Variants in PIP4K2A observed in about 807,000 individuals in gnomAD.
PIP4K2A encodes the protein phosphatidylinositol-5-phosphate 4-kinase type 2 alpha, also known as phosphatidylinositol 5-phosphate 4-kinase type-2 alpha.
PIP4K2A carries 14 observed loss-of-function variants against 42.9 expected under a neutral mutation model. The ratio of observed to expected loss-of-function variants is 0.33; its 90% confidence interval spans 0.22 to 0.51. The LOEUF (loss-of-function observed/expected upper bound fraction) is 0.51. PIP4K2A is among the 20% of genes least tolerant of loss of function. The pLI, the probability that PIP4K2A is intolerant of heterozygous loss-of-function variation, is 0.97. For synonymous variants in PIP4K2A, 192 were observed against 192.2 expected, an observed-to-expected ratio of 1.00 and a Z score of 0.01; for missense variants, 434 against 519.8, an observed-to-expected ratio of 0.83 and a Z score of 1.61.
chr10:22,666,308 C>A (rs1264631545), intron 1 of PIP4K2A, among the ~76,000 whole-genome samples: 1 of 152,164 alleles, frequency 6.6e-6, no homozygotes, highest in African/African-American at 2.4e-5. Flanking sequence ...GTATAACTTA[C>A]TGATTATCAA....
At chr10:22,656,841 G>C (rs1051260180) in intron 1 of PIP4K2A, among the ~76,000 whole-genome samples, 1 of 151,096 alleles carries the variant, frequency 6.6e-6, no homozygotes, top group South Asian at 2.1e-4. Flanking sequence ...GCCAGGCCAT[G>C]GTAAACTATA....
intron 1 of PIP4K2A, among the ~76,000 whole-genome samples, chr10:22,670,184 G>A (rs1839423148): frequency 6.6e-6 from 1 of 152,186 alleles, no homozygotes. Flanking sequence ...TTTAAGACTA[G>A]CCTGGGCAAC....
chr10:22,569,778 C>A (rs545001295), intron 5 of PIP4K2A, among the ~76,000 whole-genome samples: 5 of 151,818 alleles, frequency 3.3e-5, no homozygotes, highest in Admixed American at 2.0e-4. Context: ...AGCTTGGGAA[C>A]AACAAAACAC....
chr10:22,658,995 C>T (rs1241976291), intron 1 of PIP4K2A, among the ~76,000 whole-genome samples: 1 of 152,120 alleles, frequency 6.6e-6, no homozygotes, highest in Non-Finnish European at 1.5e-5. Context: ...CTCAAGGCTG[C>T]GGAATGTACC....
At chr10:22,677,232 C>T (rs953400143) in intron 1 of PIP4K2A, among the ~76,000 whole-genome samples, 43 of 152,050 alleles carry the variant, frequency 2.8e-4, no homozygotes, top group African/African-American at 8.9e-4. Flanking sequence ...GGGTGCACTC[C>T]GGGCACCGAT....
At chr10:22,580,761 C>G (rs1837255380) in intron 4 of PIP4K2A, among the ~76,000 whole-genome samples, 1 of 152,186 alleles carries the variant, frequency 6.6e-6, no homozygotes, top group African/African-American at 2.4e-5. Context: ...AGGAAAGGTG[C>G]ATTTCTTTCA....
In PIP4K2A at chr10:22,534,941, A is replaced by G. The variant is rs913889541; in HGVS notation, c.*2260T>C. On this transcript the variant is annotated 3_prime_UTR_variant, in exon 10 of 10. Transcript: ENST00000376573. ...AATGTGTTTGGAACAGAGACACACA[A>G]TTGGGACAGAGGAAAAAAGGATTCA... The G allele has an allele frequency of 6.6e-6, 1 of 152,224 alleles. No individual in the cohort carries two copies. The highest frequency in any genetic ancestry group is 2.4e-5 in the African/African-American group (1 of 41,452). The allele number at this position is 152,224 out of a possible 1,614,324, so 9.4% of individuals were successfully genotyped here.
chr10:22,551,986 G>A (rs909475108), intron 6 of PIP4K2A, among the ~76,000 whole-genome samples: 1 of 152,156 alleles, frequency 6.6e-6, no homozygotes, highest in East Asian at 1.9e-4. Flanking sequence ...CATAAATTAT[G>A]CATTTCTAAA....
chr10:22,559,108 T>C (rs1271200143), intron 6 of PIP4K2A, among the ~76,000 whole-genome samples: 1 of 152,192 alleles, frequency 6.6e-6, no homozygotes, highest in African/African-American at 2.4e-5. Context: ...CAGATATCTA[T>C]GGTGATAATC....
intron 4 of PIP4K2A, 111 bp from the exon 5 acceptor site, chr10:22,573,568 T>TTA (rs1419765187): frequency 1.2e-6 from 1 of 847,524 alleles, no homozygotes; most frequent in Non-Finnish European, 1.8e-6. Context: ...CCTCCAGCCA[T>TTA]TAGGGTCTTA....
intron 1 of PIP4K2A, among the ~76,000 whole-genome samples, chr10:22,638,080 G>A (rs1367765659): frequency 3.3e-5 from 5 of 152,182 alleles, no homozygotes; most frequent in Admixed American, 6.5e-5. Context: ...AAAGAACACA[G>A]TGGAATTTGC....
At chr10:22,646,084 G>C (rs564206809) in intron 1 of PIP4K2A, 2 of 152,102 alleles carry the variant, frequency 1.3e-5, no homozygotes, top group Non-Finnish European at 2.9e-5. Context: ...CTGAGAAAAG[G>C]GGTCAGCCTG....
chr10:22,535,199 C>T lies in PIP4K2A; in HGVS notation c.*2002G>A, dbSNP rs767156133. 6.6e-6 allele frequency: 1 copy of T among 152,204 alleles called. No homozygotes were observed. The highest frequency in any genetic ancestry group is 1.5e-5 in the Non-Finnish European group (1 of 68,048). The allele number at this position is 152,204 out of a possible 1,614,324, so 9.4% of individuals were successfully genotyped here. On this transcript the variant is annotated 3_prime_UTR_variant, in exon 10 of 10. Transcript: ENST00000376573. ...AGTTACTCAAATAATGTATGTGTAC[C>T]TTATCTTTACTTCAGGGTCTCATGG...
intron 4 of PIP4K2A, among the ~76,000 whole-genome samples, chr10:22,588,886 T>C (rs1338740338): frequency 1.3e-5 from 2 of 152,204 alleles, no homozygotes; most frequent in African/African-American, 4.8e-5. Flanking sequence ...ACCAATAAGA[T>C]AACAATTTTG....
rs1301578670 is a variant in PIP4K2A, at chr10:22,607,909, G to A, written c.339+18C>T. On this transcript the variant is annotated intron_variant, in intron 3 of 9. Coordinates refer to ENST00000376573, the MANE Select transcript of PIP4K2A (RefSeq NM_005028.5). Reference sequence around the variant, plus strand: ...AACCCATTTCCTACTGGAAGCAAATGTTACAAACGCAACTCACCTGGAAAT... The same window carrying A: ...AACCCATTTCCTACTGGAAGCAAATATTACAAACGCAACTCACCTGGAAAT... 11 of 1,557,386 alleles carry A rather than the reference G, an allele frequency of 7.1e-6. No individual in the cohort carries two copies. The highest frequency in any genetic ancestry group is 9.7e-6 in the Non-Finnish European group (11 of 1,129,058).
chr10:22,584,786 G>A (rs1837355722), intron 4 of PIP4K2A, among the ~76,000 whole-genome samples: 1 of 152,204 alleles, frequency 6.6e-6, no homozygotes, highest in African/African-American at 2.4e-5. Context: ...CTGGGAGCTT[G>A]TGTTTAGTCT....
intron 3 of PIP4K2A, among the ~76,000 whole-genome samples, chr10:22,601,187 G>A (rs74121814): frequency 7.6e-6 from 1 of 132,086 alleles, no homozygotes; most frequent in Admixed American, 8.0e-5. Flanking sequence ...TGTCCCCAAG[G>A]CTCACGGTAA....
At chr10:22,699,936 T>C (rs1030909789) in intron 1 of PIP4K2A, among the ~76,000 whole-genome samples, 1 of 152,168 alleles carries the variant, frequency 6.6e-6, no homozygotes, top group Non-Finnish European at 1.5e-5. Context: ...TTCTAATAGA[T>C]ATATAATGGA....
At chr10:22,611,407 AACAACAAC>A (rs2130714468) in intron 1 of PIP4K2A, among the ~76,000 whole-genome samples, 1 of 81,362 alleles carries the variant, frequency 1.2e-5, no homozygotes, top group Non-Finnish European at 2.4e-5. Flanking sequence ...AAAAACAAAC[AACAACAAC>A]AAAAAAAAAA....
Sources: gnomAD v4.1 joint callset for allele counts (sites outside exome capture counted in the v4.1 genomes callset) on GRCh38, gnomAD v4.1.1 for gene constraint, MANE v1.5 for transcripts, NCBI Gene and HGNC (gene_info 2026-07-23, HGNC 2026-07-21) for gene names.